The following PHACTR4 variants were observed in gnomAD, a reference collection of about 807,000 sequenced individuals.
PHACTR4 encodes phosphatase and actin regulator 4.
Under a neutral mutation model 72.7 loss-of-function variants are expected in PHACTR4, and 51 were observed. The observed-to-expected ratio is 0.70, with a 90% CI of 0.56 to 0.89. The LOEUF (loss-of-function observed/expected upper bound fraction) is 0.89, where lower values mean the gene tolerates loss of function less well. Ranked by LOEUF, PHACTR4 falls within the 40% of genes least tolerant of loss-of-function variation. The pLI is 0.00. For synonymous variants in PHACTR4, 255 were observed against 302.5 expected (o/e 0.84, Z 1.63); for missense variants, 731 against 861.8 (o/e 0.85, Z 1.90).
chr1:28,493,550 A>AT (rs1357114683), intron 13 of PHACTR4, among the ~76,000 whole-genome samples: 1 of 151,976 alleles, frequency 6.6e-6, no homozygotes, highest in Non-Finnish European at 1.5e-5. Flanking sequence ...AAAAAAAAAA[A>AT]AAAATAAGTA....
intron 1 of PHACTR4, among the ~76,000 whole-genome samples, chr1:28,402,449 G>A (rs1459363392): frequency 6.6e-6 from 1 of 152,056 alleles, no homozygotes; most frequent in Non-Finnish European, 1.5e-5. Flanking sequence ...TATATAGGGG[G>A]TATTAAAAAT....
intron 1 of PHACTR4, among the ~76,000 whole-genome samples, chr1:28,374,545 T>TAA (rs1569717420): frequency 1.3e-5 from 2 of 151,854 alleles, no homozygotes; most frequent in East Asian, 3.9e-4. Flanking sequence ...CTAGCCTTTC[T>TAA]AACTGGTAGT....
chr1:28,454,377 C>T (rs1325612917), intron 2 of PHACTR4, among the ~76,000 whole-genome samples: 8 of 149,104 alleles, frequency 5.4e-5, no homozygotes, highest in African/African-American at 1.7e-4. Context: ...CCCGGGTTCA[C>T]GCCATTCTCC....
At chr1:28,386,949 T>C (rs1381561984) in intron 1 of PHACTR4, among the ~76,000 whole-genome samples, 1 of 152,152 alleles carries the variant, frequency 6.6e-6, no homozygotes, top group African/African-American at 2.4e-5. Flanking sequence ...AGTTGATTGT[T>C]TATTAAGCAA....
intron 4 of PHACTR4, among the ~76,000 whole-genome samples, chr1:28,463,136 G>C (rs940057488): frequency 6.6e-6 from 1 of 152,002 alleles, no homozygotes; most frequent in Non-Finnish European, 1.5e-5. Context: ...AAGATTGAAG[G>C]CTGCAGTAAG....
At chr1:28,427,484 C>T (rs1262643757) in intron 2 of PHACTR4, among the ~76,000 whole-genome samples, 1 of 152,066 alleles carries the variant, frequency 6.6e-6, no homozygotes, top group Non-Finnish European at 1.5e-5. Flanking sequence ...TGAAATTGCA[C>T]CACTGCATTC....
chr1:28,406,457 A>G (rs1654331717), intron 1 of PHACTR4, among the ~76,000 whole-genome samples: 1 of 152,182 alleles, frequency 6.6e-6, no homozygotes, highest in Non-Finnish European at 1.5e-5. Context: ...TCCTAAAGAA[A>G]TCATCTAAGG....
intron 2 of PHACTR4, among the ~76,000 whole-genome samples, chr1:28,420,219 C>T (rs1279524626): frequency 6.6e-6 from 1 of 152,092 alleles, no homozygotes; most frequent in Admixed American, 6.6e-5. Flanking sequence ...TAGGCTTTGT[C>T]TTCCCACCCA....
intron 2 of PHACTR4, among the ~76,000 whole-genome samples, chr1:28,413,810 T>C (rs1204189825): frequency 1.3e-5 from 2 of 152,196 alleles, no homozygotes; most frequent in Admixed American, 6.5e-5. Context: ...AACTGTCTGC[T>C]GATGGTTAAA....
chr1:28,453,632 A>G lies in PHACTR4; in HGVS notation c.17-5453A>G, dbSNP rs1658141506. The G allele has an allele frequency of 2.4e-6, 3 of 1,257,030 alleles. No individual in the cohort carries two copies. The South Asian group carries it at 3.7e-5, about 15-fold the overall frequency. 77.9% of individuals were successfully genotyped at this position (1,257,030 alleles called of 1,614,324 possible). A position where few individuals can be genotyped will look rare whatever the true frequency, so the allele number is the denominator to read the frequency against. On this transcript the variant is annotated intron_variant, in intron 2 of 13. Transcript: ENST00000373839. Reference sequence around the variant, plus strand: ...CTACAGTGAGGTGAAACAAATAGAGAAGAGAGACTCGGTTCTAACATCCAA... The same window carrying G: ...CTACAGTGAGGTGAAACAAATAGAGGAGAGAGACTCGGTTCTAACATCCAA...
intron 2 of PHACTR4, among the ~76,000 whole-genome samples, chr1:28,455,309 G>A (rs1042033798): frequency 2.1e-5 from 3 of 141,448 alleles, no homozygotes; most frequent in Non-Finnish European, 4.5e-5. Context: ...AGATTCTCCT[G>A]CCTCAGCCTC....
intron 1 of PHACTR4, among the ~76,000 whole-genome samples, chr1:28,398,105 G>A (rs1016032641): frequency 6.6e-6 from 1 of 152,118 alleles, no homozygotes; most frequent in African/African-American, 2.4e-5. Flanking sequence ...ACCAAGTTGA[G>A]GAATTGATAC....
intron 2 of PHACTR4, chr1:28,453,591 A>T: frequency 1.0e-6 from 1 of 972,250 alleles, no homozygotes; most frequent in Non-Finnish European, 1.6e-6. Flanking sequence ...AGCACAGTGG[A>T]TGCATTTCTG....
intron 1 of PHACTR4, among the ~76,000 whole-genome samples, chr1:28,387,915 A>G (rs1357810359): frequency 6.6e-6 from 1 of 151,682 alleles, no homozygotes; most frequent in Non-Finnish European, 1.5e-5. Flanking sequence ...TTTAGTAGAG[A>G]CAGGGTTTCT....
At chr1:28,384,462 A>G (rs1652416542) in intron 1 of PHACTR4, among the ~76,000 whole-genome samples, 1 of 152,148 alleles carries the variant, frequency 6.6e-6, no homozygotes. Context: ...GGTGTTCATA[A>G]TATTATCAGA....
chr1:28,386,824 T>A (rs1455055614), intron 1 of PHACTR4, among the ~76,000 whole-genome samples: 1 of 152,192 alleles, frequency 6.6e-6, no homozygotes, highest in Non-Finnish European at 1.5e-5. Context: ...ACCAACGATA[T>A]TTAAAAAAAT....
chr1:28,382,404 C>T (rs1259522327), intron 1 of PHACTR4, among the ~76,000 whole-genome samples: 1 of 151,252 alleles, frequency 6.6e-6, no homozygotes, highest in Non-Finnish European at 1.5e-5. Context: ...CCTGAGTTCA[C>T]TCCATTCTCC....
intron 10 of PHACTR4, 78 bp from the exon 11 acceptor site, chr1:28,490,873 T>A: frequency 7.3e-7 from 1 of 1,367,944 alleles, no homozygotes; most frequent in Non-Finnish European, 1.0e-6. Context: ...GAAATATCTG[T>A]AATGTAATTA....
At chr1:28,370,004 G>A (rs1489171323) in intron 1 of PHACTR4, among the ~76,000 whole-genome samples, 179 bp downstream of exon 1, 1 of 151,974 alleles carries the variant, frequency 6.6e-6, no homozygotes, top group African/African-American at 2.4e-5. Flanking sequence ...CTCCCTCCTC[G>A]GCCCTCCCAC....
Sources: gnomAD v4.1 joint callset for allele counts (sites outside exome capture counted in the v4.1 genomes callset) on GRCh38, gnomAD v4.1.1 for gene constraint, MANE v1.5 for transcripts, NCBI Gene and HGNC (gene_info 2026-07-23, HGNC 2026-07-21) for gene names.